Variants in RNF123 observed in about 807,000 individuals in gnomAD.
The protein encoded by RNF123 is ring finger protein 123, also known as E3 ubiquitin-protein ligase RNF123.
RNF123 carries 86 observed loss-of-function variants against 168.5 expected under a neutral mutation model. The observed-to-expected ratio is 0.51, with a 90% CI of 0.43 to 0.61. The LOEUF (loss-of-function observed/expected upper bound fraction) is 0.61. Among genes scored for constraint, RNF123 ranks in the 20% least tolerant of loss-of-function variants. RNF123 has a pLI of 0.00. For missense variants in RNF123, 1,419 were observed against 1,729.7 expected (o/e 0.82, Z 3.19); for synonymous variants, 666 against 689.1 (o/e 0.97, Z 0.52).
In RNF123 at chr3:49,713,951, A is replaced by C. The variant is rs2080192173; in HGVS notation, c.2879A>C (p.Gln960Pro). 2 of 1,614,000 alleles carry C rather than the reference A, an allele frequency of 1.2e-6. No individual in the cohort carries two copies. The highest frequency in any genetic ancestry group is 1.1e-5 in the South Asian group (1 of 91,086). The change falls in exon 30 of 39, where the codon CAG becomes CCG. Residue 960 changes from glutamine to proline, a missense_variant. Around this residue, in one of 5 missense-constraint regions of RNF123, gnomAD observed 538 missense variants for 708.8 expected, o/e 0.76. Coordinates refer to ENST00000327697, the MANE Select transcript of RNF123 (RefSeq NM_022064.5). ...MVRNLLAPYE[Q>P]RPWAQTNWIL... ...AGGAACCTCCTGGCGCCCTATGAGC[A>C]GCGGCCCTGGGCCCAGACCAACTGG...
intron 25 of RNF123, 61 bp downstream of exon 25, chr3:49,706,126 G>A: frequency 1.4e-6 from 2 of 1,475,704 alleles, no homozygotes; most frequent in Non-Finnish European, 1.9e-6. Context: ...AACCACAGAT[G>A]AAGTCTGGTT....
At chr3:49,718,277 G>A in intron 35 of RNF123, 3 of 1,612,942 alleles carry the variant, frequency 1.9e-6, no homozygotes, top group Non-Finnish European at 1.7e-6. Flanking sequence ...AGCAGCACGA[G>A]CACAAGGCCC....
intron 1 of RNF123, chr3:49,689,954 G>T (rs1038408353): frequency 6.6e-6 from 1 of 152,228 alleles, no homozygotes; most frequent in African/African-American, 2.4e-5. Context: ...CCCACTCCGG[G>T]TGTCTGGAAG....
At position 49,705,096 on chromosome 3, in the gene RNF123, G is replaced by C; in HGVS notation, c.2072G>C (p.Ser691Thr). The change falls in exon 23 of 39, where the codon AGC (serine) becomes ACC (threonine). Residue 691 changes from serine (S) to threonine (T), a missense_variant. Around this residue, in one of 5 missense-constraint regions of RNF123, gnomAD observed 538 missense variants for 708.8 expected, o/e 0.76. Coordinates refer to ENST00000327697, the MANE Select transcript of RNF123 (RefSeq NM_022064.5). Reference protein sequence around the residue: ...ANRFLSTAAVSLMTPRRPLST... With the variant: ...ANRFLSTAAVTLMTPRRPLST... ...CGCTTCCTCAGCACAGCGGCTGTGA[G>C]CCTCATGACCCCACGGCGGCCTCTG... The C allele has an allele frequency of 2.5e-6, 4 of 1,611,758 alleles. No homozygotes were observed. The highest frequency in any genetic ancestry group is 3.4e-6 in the Non-Finnish European group (4 of 1,179,032).
rs1559686038 is a variant in RNF123, at chr3:49,713,993, G to A, written c.2921G>A (p.Trp974Ter). The A allele has an allele frequency of 1.9e-6, 3 of 1,614,102 alleles. No individual in the cohort carries two copies. Among genetic ancestry groups the A allele is most frequent in the South Asian group, 2.2e-5 (2 of 91,086 alleles). ...ACCAACTGGATCCTGGTGCGGCTCT[G>A]GAGGGTAAGCCTGACTCGAGGGGAA... ...AQTNWILVRL[W>*]RGCGFGYRYT... Residue 974 changes from tryptophan to a stop codon, truncating the protein, a stop_gained, in exon 30 of 39, where the codon TGG (tryptophan) becomes TAG (stop). Coordinates refer to ENST00000327697, the MANE Select transcript of RNF123 (RefSeq NM_022064.5). LOFTEE classifies it high-confidence loss of function.
intron 35 of RNF123, chr3:49,718,649 A>C (rs2080308617): frequency 6.2e-7 from 1 of 1,613,038 alleles, no homozygotes; most frequent in Non-Finnish European, 8.5e-7. Flanking sequence ...GCCGACGAGC[A>C]GTTCTCAAAG....
Position 49,698,100 on chromosome 3 carries a change from T to C in RNF123, c.446T>C (p.Ile149Thr). 6.2e-7 allele frequency: 1 copy of C among 1,613,836 alleles called. No individual in the cohort carries two copies. Among genetic ancestry groups the C allele is most frequent in the South Asian group, 1.1e-5 (1 of 91,078 alleles). The change falls in exon 7 of 39, where the codon ATC becomes ACC. Residue 149 changes from isoleucine (I) to threonine (T), a missense_variant. Physicochemically the swap from Ile to Thr is moderately conservative, Grantham distance 89 (BLOSUM62 -1). This residue lies in a region of RNF123 where 318 missense variants were observed against 446.6 expected (regional missense o/e 0.71). Transcript: ENST00000327697. ...VLISSQGLMQ[I>T]GWCTISCRFN... ...ATCTCCTCCCAGGGGCTCATGCAGA[T>C]CGGCTGGTGCACCATCAGCTGCCGC...
intron 38 of RNF123, 28 bp downstream of exon 38, chr3:49,721,133 G>A (rs1175919021): frequency 6.2e-7 from 1 of 1,613,908 alleles, no homozygotes; most frequent in African/African-American, 1.3e-5. Flanking sequence ...CTTGGTGGTG[G>A]GGAGAGCAGT....
intron 15 of RNF123, 109 bp from the exon 16 acceptor site, chr3:49,701,382 G>A: frequency 1.2e-6 from 1 of 821,586 alleles, no homozygotes; most frequent in Non-Finnish European, 2.1e-6. Context: ...CCCCTGTGGT[G>A]GTGGGAGAGC....
chr3:49,718,697 G>A, intron 35 of RNF123: 2 of 1,612,992 alleles, frequency 1.2e-6, no homozygotes, highest in Non-Finnish European at 1.7e-6. Flanking sequence ...CGGGACGCGG[G>A]TACCTTGAAG....
intron 28 of RNF123, 27 bp from the exon 29 acceptor site, chr3:49,713,711 C>T (rs2080187195): frequency 6.3e-7 from 1 of 1,583,606 alleles, no homozygotes; most frequent in East Asian, 2.3e-5. Flanking sequence ...TGCCAAGCCC[C>T]TGCTGAGGCA....
chr3:49,716,326 G>C, intron 34 of RNF123, 67 bp from the exon 35 acceptor site: 1 of 1,568,226 alleles, frequency 6.4e-7, no homozygotes, highest in Non-Finnish European at 8.8e-7. Context: ...GAGGGCAGTG[G>C]GCAGGCCTGG....
intron 4 of RNF123, 56 bp downstream of exon 4, chr3:49,697,278 C>T: frequency 6.3e-7 from 1 of 1,594,638 alleles, no homozygotes; most frequent in Non-Finnish European, 8.6e-7. Flanking sequence ...ACGTAGCGGG[C>T]CTGGAGACGT....
chr3:49,718,742 C>G (rs753248795), intron 35 of RNF123: 1 of 1,613,074 alleles, frequency 6.2e-7, no homozygotes, highest in Non-Finnish European at 8.5e-7. Flanking sequence ...AAGTCGCGCA[C>G]GGCGCTCAGG....
chr3:49,701,795 TG>T lies in RNF123; in HGVS notation c.1396-15del, dbSNP rs753256869. On this transcript the variant is annotated splice_polypyrimidine_tract_variant and intron_variant, in intron 16 of 38. Coordinates refer to ENST00000327697, the MANE Select transcript of RNF123 (RefSeq NM_022064.5). ...CCAGGTGACCCTGCTGTATTCCACC[TG>T]CTACCCCTGCCTAGGGCAAAGAGAG... is the stretch of plus-strand genomic sequence containing the variant. The T allele has an allele frequency of 2.2e-5, 35 of 1,563,204 alleles. No homozygotes were observed. The highest frequency in any genetic ancestry group is 3.0e-5 in the Non-Finnish European group (35 of 1,153,366).
At chr3:49,704,014 C>T (rs913721523) in intron 21 of RNF123, among the ~76,000 whole-genome samples, 14 of 152,164 alleles carry the variant, frequency 9.2e-5, no homozygotes, top group African/African-American at 3.1e-4. Flanking sequence ...GGGGAGGGCA[C>T]AGGTGGAGGA....
intron 35 of RNF123, among the ~76,000 whole-genome samples, 168 bp downstream of exon 35, chr3:49,716,645 A>G (rs539697080): frequency 1.3e-5 from 2 of 152,312 alleles, no homozygotes; most frequent in Non-Finnish European, 2.9e-5. Flanking sequence ...AATAGGGGGC[A>G]GACGGAGCTG....
At position 49,713,009 on chromosome 3, in the gene RNF123, G is replaced by A. The variant is rs1031376334; in HGVS notation, c.2674+353G>A. Reference sequence around the variant, plus strand: ...CTGGCACTGGTCACAAAGCGTAGCAGTTGGTCAGGGGCAGAATGGTTTGTC... The same window carrying A: ...CTGGCACTGGTCACAAAGCGTAGCAATTGGTCAGGGGCAGAATGGTTTGTC... On this transcript the variant is annotated intron_variant, in intron 27 of 38. Coordinates refer to ENST00000327697, the MANE Select transcript of RNF123 (RefSeq NM_022064.5). 4.3e-6 allele frequency: 3 copies of A among 690,074 alleles called. No individual in the cohort carries two copies. In the Admixed American group the frequency reaches 6.1e-5, roughly 14 times the overall value. The allele number at this position is 690,074 out of a possible 1,614,324, so 42.7% of individuals were successfully genotyped here. A position where few individuals can be genotyped will look rare whatever the true frequency, so the allele number is the denominator to read the frequency against.
rs778636822 is a variant in RNF123, at chr3:49,698,756, C to T, written c.572C>T (p.Ala191Val). Residue 191 changes from alanine (A) to valine (V), a missense_variant and splice_region_variant, in exon 9 of 39, where the codon GCG (alanine) becomes GTG (valine). Physicochemically the swap from Ala to Val is moderately conservative, Grantham distance 64 (BLOSUM62 0). This residue lies in a region of RNF123 where 318 missense variants were observed against 446.6 expected (regional missense o/e 0.71). Transcript: ENST00000327697. ...TGGTGAGGCCTCCTCTCATGGCAGG[C>T]GTGGGCAGCGGGGGACATCGTGAGC... is the stretch of plus-strand genomic sequence containing the variant. ...WNVTTTNYGK[A>V]WAAGDIVSCL... The T allele has an allele frequency of 3.7e-6, 6 of 1,613,228 alleles. No homozygotes were observed. Among genetic ancestry groups the T allele is most frequent in the East Asian group, 2.2e-5 (1 of 44,874 alleles).
Sources: gnomAD v4.1 joint callset for allele counts (sites outside exome capture counted in the v4.1 genomes callset) on GRCh38, gnomAD v4.1.1 for gene constraint, gnomAD v4.1.1 regional missense constraint, MANE v1.5 for transcripts, NCBI Gene and HGNC (gene_info 2026-07-23, HGNC 2026-07-21) for gene names.